Variants in KCNH1 observed in about 807,000 individuals in gnomAD.
The protein encoded by KCNH1 is voltage-gated delayed rectifier potassium channel KCNH1.
In KCNH1, 27 loss-of-function variants were observed where a neutral mutation model predicts 69.2. The ratio of observed to expected loss-of-function variants is 0.39; its 90% CI spans 0.29 to 0.54. The LOEUF is 0.54. KCNH1 is among the 20% of genes least tolerant of loss of function. The pLI, the probability that KCNH1 is intolerant of heterozygous loss-of-function variation, is 0.68. For synonymous variants in KCNH1, 456 were observed against 487.7 expected (o/e 0.93, Z 0.86); for missense variants, 798 against 1,261.6 (o/e 0.63, Z 5.57).
intron 9 of KCNH1, among the ~76,000 whole-genome samples, chr1:210,780,428 A>T (rs180791761): frequency 1.3e-3 from 193 of 152,182 alleles, no homozygotes; most frequent in Non-Finnish European, 2.3e-3. Context: ...CAAACCAATT[A>T]AAAAAAATTC....
At chr1:210,912,816 A>T (rs1355091044) in intron 7 of KCNH1, among the ~76,000 whole-genome samples, 1 of 152,238 alleles carries the variant, frequency 6.6e-6, no homozygotes, top group Non-Finnish European at 1.5e-5. Context: ...TCTTTCCCAC[A>T]TTACAGCAGC....
rs1318018872 is a variant in KCNH1 at position 211,082,868 on chromosome 1, G to A, written c.470C>T (p.Ala157Val). The A allele has an allele frequency of 6.2e-7, 1 of 1,614,052 alleles. No individual in the cohort carries two copies. Among genetic ancestry groups the A allele is most frequent in the East Asian group, 2.2e-5 (1 of 44,876 alleles). The change falls in exon 5 of 11, where the codon GCA becomes GTA. Residue 157 changes from alanine (A) to valine (V), a missense_variant. By Grantham distance (64) the Ala-to-Val change is moderately conservative (BLOSUM62 0). This residue lies in a region of KCNH1 where 266 missense variants were observed against 457.2 expected (regional missense o/e 0.58). Transcript: ENST00000271751. Reference sequence around the variant, plus strand: ...CAGGACACCCCTGCTGCTTGTCAGTGCTCTTGTCAGCCGAGCAAACTTCCC... The same window carrying A: ...CAGGACACCCCTGCTGCTTGTCAGTACTCTTGTCAGCCGAGCAAACTTCCC... The part of the protein sequence containing the change: ...GWGKFARLTR[A>V]LTSSRGVLQQ...
rs759002369 is a variant in KCNH1 at position 210,797,627 on chromosome 1, G to A, written c.1796C>T (p.Thr599Met). The A allele has an allele frequency of 3.5e-5, 56 of 1,614,222 alleles. No individual in the cohort carries two copies. Among genetic ancestry groups the A allele is most frequent in the Middle Eastern group, 1.6e-4 (1 of 6,062 alleles). ...CLRALAMEFQ[T>M]VHCAPGDLIY... is the part of the protein sequence containing the mutation. ...GAGGTCCCCTGGGGCACAGTGCACC[G>A]TCTGGAACTCCATGGCCAGTGCCCG... is the stretch of plus-strand genomic sequence containing the variant. Residue 599 changes from threonine (T) to methionine (M), a missense_variant, in exon 9 of 11, where the codon ACG (threonine) becomes ATG (methionine). Transcript: ENST00000271751.
intron 9 of KCNH1, among the ~76,000 whole-genome samples, chr1:210,793,467 T>C (rs1463487511): frequency 6.6e-6 from 1 of 152,280 alleles, no homozygotes; most frequent in Non-Finnish European, 1.5e-5. Flanking sequence ...ACATTTCATA[T>C]GGCAGGTTCC....
At chr1:211,077,547 C>T (rs1450520019) in intron 5 of KCNH1, among the ~76,000 whole-genome samples, 1 of 152,140 alleles carries the variant, frequency 6.6e-6, no homozygotes, top group African/African-American at 2.4e-5. Flanking sequence ...ACTTTACAGA[C>T]AAGCAAACCC....
chr1:211,133,855 T>C lies in KCNH1; in HGVS notation c.79+12A>G, dbSNP rs1691923390. 1.2e-6 allele frequency: 2 copies of C among 1,604,862 alleles called. No homozygotes were observed. ...AACGCCCGGGTAATCGAAATCCGAA[T>C]GCACCTCTTACCATTGGACCGCCGA... On this transcript the variant is annotated intron_variant, in intron 1 of 10. Coordinates refer to ENST00000271751, the MANE Select transcript of KCNH1 (RefSeq NM_172362.3). The surrounding 1 kb of genome is among the most constrained non-coding windows in gnomAD (Gnocchi z 5.4).
chr1:210,839,285 T>C (rs759247932), intron 7 of KCNH1, among the ~76,000 whole-genome samples: 3 of 152,142 alleles, frequency 2.0e-5, no homozygotes, highest in Non-Finnish European at 4.4e-5. Flanking sequence ...TGGAAGTCAT[T>C]ATCTTTAGCA....
intron 7 of KCNH1, among the ~76,000 whole-genome samples, chr1:210,808,710 A>G (rs181722975): frequency 5.2e-4 from 79 of 152,190 alleles, no homozygotes; most frequent in African/African-American, 1.8e-3. Context: ...ATTTTATATG[A>G]AGGGGGATTA....
At chr1:211,076,793 C>T (rs980966743) in intron 5 of KCNH1, among the ~76,000 whole-genome samples, 1 of 152,138 alleles carries the variant, frequency 6.6e-6, no homozygotes, top group Admixed American at 6.6e-5. Flanking sequence ...TTCAGAAGGT[C>T]GGTAATAACA....
chr1:210,912,117 C>T (rs1313839010), intron 7 of KCNH1, among the ~76,000 whole-genome samples: 1 of 152,182 alleles, frequency 6.6e-6, no homozygotes, highest in Non-Finnish European at 1.5e-5. Flanking sequence ...GTTTTCTTAT[C>T]TGCAAAACAG....
rs368733470 is a variant in KCNH1 at position 210,761,207 on chromosome 1, C to T, written c.2112+14141G>A. 1.5e-4 allele frequency among the ~76,000 whole-genome samples: 21 copies of T among 142,130 alleles called. 1 individual carries two copies. The East Asian group carries it at 4.1e-3, about 28-fold the overall frequency. The allele number at this position is 142,130 out of a possible 152,430, so 93.2% of individuals were successfully genotyped here. A position where few individuals can be genotyped will look rare whatever the true frequency, so the allele number is the denominator to read the frequency against. On this transcript the variant is annotated intron_variant, in intron 10 of 10. Coordinates refer to ENST00000271751, the MANE Select transcript of KCNH1 (RefSeq NM_172362.3). Reference sequence around the variant, plus strand: ...GCGGAGCTTGCAGTGAGCCGAGATCCCGCCACTGCACTCCAGCCTGGGCGA... The same window carrying T: ...GCGGAGCTTGCAGTGAGCCGAGATCTCGCCACTGCACTCCAGCCTGGGCGA...
Position 211,011,127 on chromosome 1 carries a change from C to T in KCNH1, c.1032+7656G>A, listed in dbSNP as rs1571576391. On this transcript the variant is annotated intron_variant, in intron 6 of 10. Transcript: ENST00000271751. The stretch of plus-strand genomic sequence containing the variant: ...TATTTCTCCTAATGCTATCCCTCCC[C>T]TACCCCCACAACCCCCAACAGGCCC... Among the ~76,000 whole-genome samples, 4 of 152,252 alleles carry T rather than the reference C, an allele frequency of 2.6e-5. No individual in the cohort carries two copies. The South Asian group carries it at 8.3e-4, about 32-fold the overall frequency.
chr1:210,682,464 C>CTG lies in KCNH1; in HGVS notation c.*815_*816dup, dbSNP rs1184725051. 6.6e-6 allele frequency: 1 copy of CTG among 152,534 alleles called. No individual in the cohort carries two copies. The highest frequency in any genetic ancestry group is 2.1e-4 in the South Asian group (1 of 4,832). 9.4% of individuals were successfully genotyped at this position (152,534 alleles called of 1,614,324 possible). A position where few individuals can be genotyped will look rare whatever the true frequency, so the allele number is the denominator to read the frequency against. On this transcript the variant is annotated 3_prime_UTR_variant, in exon 11 of 11. Coordinates refer to ENST00000271751, the MANE Select transcript of KCNH1 (RefSeq NM_172362.3). ...CAAGAAGGAACAGAAGCAAGGGAGC[C>CTG]TGTGTGTGAGGCCAGCAGCATGGAG...
At chr1:210,846,080 G>A (rs1336879268) in intron 7 of KCNH1, among the ~76,000 whole-genome samples, 5 of 152,070 alleles carry the variant, frequency 3.3e-5, no homozygotes, top group Non-Finnish European at 7.4e-5. Context: ...AAATAAAAGA[G>A]GACACAAACA....
intron 10 of KCNH1, among the ~76,000 whole-genome samples, chr1:210,716,049 C>A (rs564092262): frequency 3.9e-5 from 6 of 152,122 alleles, no homozygotes; most frequent in African/African-American, 1.4e-4. Flanking sequence ...CCCTTCTAAA[C>A]AAACACTGCC....
At chr1:210,715,822 G>A (rs1393818566) in intron 10 of KCNH1, among the ~76,000 whole-genome samples, 2 of 152,134 alleles carry the variant, frequency 1.3e-5, no homozygotes, top group Non-Finnish European at 1.5e-5. Context: ...CTCTGGGAGT[G>A]ACTGGGATAG....
chr1:211,067,723 C>T (rs1212197441), intron 5 of KCNH1, among the ~76,000 whole-genome samples: 1 of 152,166 alleles, frequency 6.6e-6, no homozygotes, highest in African/African-American at 2.4e-5. Flanking sequence ...AAAGCCTGGT[C>T]GCCCTCATAT....
At chr1:210,981,372 C>CAAAAAAAAAAAAAA (rs10684074) in intron 6 of KCNH1, among the ~76,000 whole-genome samples, 16 of 85,486 alleles carry the variant, frequency 1.9e-4, no homozygotes, top group Admixed American at 4.6e-4. Flanking sequence ...GTAACAACGA[C>CAAAAAAAAAAAAAA]AAAAAAAAAA....
intron 5 of KCNH1, among the ~76,000 whole-genome samples, chr1:211,034,771 C>T (rs542139981): frequency 7.9e-5 from 12 of 152,202 alleles, no homozygotes; most frequent in African/African-American, 2.9e-4. Context: ...GGGCTTATTG[C>T]GTGTTTTCAA....
Sources: gnomAD v4.1 joint callset for allele counts (sites outside exome capture counted in the v4.1 genomes callset) on GRCh38, gnomAD v4.1.1 for gene constraint, gnomAD v4.1.1 regional missense constraint, Gnocchi (gnomAD v3.1) non-coding constraint, MANE v1.5 for transcripts, NCBI Gene and HGNC (gene_info 2026-07-23, HGNC 2026-07-21) for gene names.